Variants in PRR5L observed in about 807,000 individuals in gnomAD.
PRR5L encodes the protein proline rich 5 like.
PRR5L carries 21 observed loss-of-function variants against 36.4 expected under a neutral mutation model. That is an observed-to-expected ratio of 0.58 (90% CI 0.41 to 0.83). The LOEUF is 0.83. Among genes scored for constraint, PRR5L ranks in the 40% least tolerant of loss-of-function variants. The pLI is 0.00. For missense variants in PRR5L, 381 were observed against 473.3 expected, an observed-to-expected ratio of 0.80 and a Z score of 1.81; for synonymous variants, 188 against 197.0, an observed-to-expected ratio of 0.95 and a Z score of 0.38.
At chr11:36,390,161 T>TG (rs769203477) in intron 1 of PRR5L, among the ~76,000 whole-genome samples, 10 of 152,120 alleles carry the variant, frequency 6.6e-5, no homozygotes, top group Non-Finnish European at 1.3e-4. Flanking sequence ...GGGTGCTCTC[T>TG]GGGGTGGTGG....
intron 3 of PRR5L, among the ~76,000 whole-genome samples, chr11:36,404,325 G>A (rs1377476741): frequency 1.3e-5 from 2 of 149,224 alleles, no homozygotes; most frequent in East Asian, 2.0e-4. Flanking sequence ...AGGCTGGAGT[G>A]CAGTGGTACC....
chr11:36,431,859 C>G lies in PRR5L; in HGVS notation c.301C>G (p.Leu101Val), dbSNP rs1858504015. Residue 101 changes from leucine (L) to valine (V), a missense_variant, in exon 5 of 9, where the codon CTT (leucine) becomes GTT (valine). Transcript: ENST00000530639. ...CTTTGTTCTCTTTTGGCAGAACCAG[C>G]TTCTTGCAAAAGGACTGTTCTTTGT... ...SFITDYFQNQ[L>V]LAKGLFFVEE... is the part of the protein sequence containing the mutation. 6.2e-7 allele frequency: 1 copy of G among 1,614,082 alleles called. No homozygotes were observed.
intron 8 of PRR5L, among the ~76,000 whole-genome samples, chr11:36,456,502 TCTC>T (rs1428496119): frequency 6.6e-6 from 1 of 152,208 alleles, no homozygotes; most frequent in East Asian, 1.9e-4. Flanking sequence ...TTCTCTTCCT[TCTC>T]CTCTGAATTT....
intron 3 of PRR5L, among the ~76,000 whole-genome samples, chr11:36,407,253 G>T (rs1340445738): frequency 1.3e-5 from 2 of 152,172 alleles, no homozygotes; most frequent in Non-Finnish European, 2.9e-5. Flanking sequence ...TCTTTGGGAG[G>T]CTGAGGCAGG....
At position 36,437,268 on chromosome 11, in the gene PRR5L, A is replaced by G. The variant is rs549858428; in HGVS notation, c.353-117A>G. The G allele has an allele frequency of 1.1e-4, 87 of 800,948 alleles. No individual in the cohort carries two copies. In the African/African-American group the frequency reaches 1.2e-3, roughly 11 times the overall value. 49.6% of individuals were successfully genotyped at this position (800,948 alleles called of 1,614,324 possible). On this transcript the variant is annotated intron_variant, in intron 5 of 8. Coordinates refer to ENST00000530639, the MANE Select transcript of PRR5L (RefSeq NM_001160167.2). ...TGGGCTTTAATAGCTCCTGGCTGCAAGTTTTTTAGCATGTGCAGCTTGACA... is the reference window on the plus strand; with the variant it reads ...TGGGCTTTAATAGCTCCTGGCTGCAGGTTTTTTAGCATGTGCAGCTTGACA...
In PRR5L at chr11:36,464,784, A is replaced by ATATC. The variant is rs1382703604; in HGVS notation, c.*2050_*2053dup. 2 of 152,230 alleles carry ATATC rather than the reference A, an allele frequency of 1.3e-5. No homozygotes were observed. The highest frequency in any genetic ancestry group is 4.8e-5 in the African/African-American group (2 of 41,456). 9.4% of individuals were successfully genotyped at this position (152,230 alleles called of 1,614,324 possible). The stretch of plus-strand genomic sequence containing the variant: ...GCGTGTGTATATAAATGCCTTTTCC[A>ATATC]TATCTTAAATGTCCCTGATGAGGAG... On this transcript the variant is annotated 3_prime_UTR_variant, in exon 9 of 9. Transcript: ENST00000530639.
At chr11:36,401,751 T>A (rs568712166) in intron 2 of PRR5L, among the ~76,000 whole-genome samples, 2 of 152,318 alleles carry the variant, frequency 1.3e-5, no homozygotes, top group East Asian at 1.9e-4. Context: ...AAGTTTTTTT[T>A]AATATCCAGC....
At chr11:36,458,737 C>G (rs1042249600) in intron 8 of PRR5L, among the ~76,000 whole-genome samples, 2 of 152,184 alleles carry the variant, frequency 1.3e-5, no homozygotes, top group Admixed American at 6.5e-5. Context: ...TAAACTAAAG[C>G]AGCATGAGCC....
chr11:36,392,742 C>T (rs1407658409), intron 1 of PRR5L, among the ~76,000 whole-genome samples: 1 of 149,462 alleles, frequency 6.7e-6, no homozygotes, highest in African/African-American at 2.5e-5. Context: ...AGACAGAGAG[C>T]AAGGCTGGAA....
At chr11:36,391,259 T>G (rs1857560005) in intron 1 of PRR5L, among the ~76,000 whole-genome samples, 1 of 152,220 alleles carries the variant, frequency 6.6e-6, no homozygotes, top group African/African-American at 2.4e-5. Context: ...AGTCAAAGGT[T>G]GGAGCCCTAG....
chr11:36,447,268 G>A (rs1033588084), intron 7 of PRR5L, among the ~76,000 whole-genome samples: 2 of 152,216 alleles, frequency 1.3e-5, no homozygotes, highest in Admixed American at 1.3e-4. Context: ...GTAAGTTTGT[G>A]TGCTTGCCTG....
Position 36,312,317 on chromosome 11 carries a change from A to C in PRR5L, c.-126+15879A>C, listed in dbSNP as rs544501532. Among the ~76,000 whole-genome samples, 10 of 152,318 alleles carry C rather than the reference A, an allele frequency of 6.6e-5. No homozygotes were observed. The South Asian group carries it at 2.1e-3, about 32-fold the overall frequency. ...ACCATGACTTTGGGAAAGGGAAAAAAGGTGGGGGAAGAAAAGATGGGAAAG... is the reference window on the plus strand; with the variant it reads ...ACCATGACTTTGGGAAAGGGAAAAACGGTGGGGGAAGAAAAGATGGGAAAG... On this transcript the variant is annotated intron_variant, in intron 1 of 8. Transcript: ENST00000530639.
chr11:36,296,701 G>C (rs1436781964), intron 1 of PRR5L, among the ~76,000 whole-genome samples: 2 of 152,210 alleles, frequency 1.3e-5, no homozygotes, highest in Non-Finnish European at 2.9e-5. Context: ...GGCCCATGTA[G>C]ATTTACTGAG....
intron 1 of PRR5L, among the ~76,000 whole-genome samples, chr11:36,394,633 G>A (rs912995083): frequency 5.9e-5 from 9 of 152,050 alleles, no homozygotes; most frequent in Admixed American, 5.2e-4. Context: ...CAGTTCCTGC[G>A]TCTGTCTCCA....
At chr11:36,308,743 G>C (rs1412826452) in intron 1 of PRR5L, among the ~76,000 whole-genome samples, 1 of 152,214 alleles carries the variant, frequency 6.6e-6, no homozygotes. Flanking sequence ...GCATTGACTT[G>C]TTCTGGTCAA....
intron 1 of PRR5L, among the ~76,000 whole-genome samples, chr11:36,320,284 T>A (rs1006399729): frequency 1.4e-5 from 2 of 139,444 alleles, no homozygotes; most frequent in African/African-American, 5.4e-5. Flanking sequence ...CACTCTGTCG[T>A]CCAGGCTGGA....
chr11:36,431,777 CTG>C, intron 4 of PRR5L, 74 bp from the exon 5 acceptor site: 1 of 1,383,168 alleles, frequency 7.2e-7, no homozygotes, highest in East Asian at 2.3e-5. Flanking sequence ...CCCTTGCCCA[CTG>C]GAAGTGGAAG....
At chr11:36,326,420 ACACATT>A (rs11279886) in intron 1 of PRR5L, among the ~76,000 whole-genome samples, 14,550 of 152,026 alleles carry the variant, frequency 0.096, 1,268 homozygotes, top group African/African-American at 0.24. Context: ...AATACCCAAT[ACACATT>A]CAATTTTCCC....
intron 6 of PRR5L, among the ~76,000 whole-genome samples, chr11:36,440,548 A>G (rs1165536424): frequency 6.6e-6 from 1 of 152,212 alleles, no homozygotes; most frequent in African/African-American, 2.4e-5. Context: ...TGAAGAAATG[A>G]TGGCAACAGA....
Sources: allele counts gnomAD v4.1 joint callset (sites outside exome capture counted in the v4.1 genomes callset), GRCh38; gene constraint gnomAD v4.1.1; transcripts MANE v1.5; gene names NCBI Gene and HGNC (gene_info 2026-07-23, HGNC 2026-07-21).